Variants in TENM2 observed in about 807,000 individuals in gnomAD.
The protein encoded by TENM2 is teneurin-2.
In TENM2, 52 loss-of-function variants were observed where a neutral mutation model predicts 245.2. The ratio of observed to expected loss-of-function variants is 0.21; its 90% CI spans 0.17 to 0.27. The LOEUF is 0.27. Among genes scored for constraint, TENM2 ranks in the 10% least tolerant of loss-of-function variants. The pLI, the probability that TENM2 is intolerant of heterozygous loss-of-function variation, is 1.00. For synonymous variants in TENM2, 1,363 were observed against 1,438.9 expected, an observed-to-expected ratio of 0.95 and a Z score of 1.19; for missense variants, 3,046 against 3,666.8, an observed-to-expected ratio of 0.83 and a Z score of 4.37.
chr5:167,491,321 G>A (rs184502141), intron 2 of TENM2, among the ~76,000 whole-genome samples: 270 of 152,162 alleles, frequency 1.8e-3, no homozygotes, highest in African/African-American at 6.2e-3. Flanking sequence ...GAAATAAATA[G>A]AATAAATCTT....
intron 2 of TENM2, among the ~76,000 whole-genome samples, chr5:167,695,201 G>C (rs1405942619): frequency 1.3e-5 from 2 of 152,154 alleles, no homozygotes; most frequent in African/African-American, 4.8e-5. Context: ...ATAATGAGGG[G>C]TAGGCAAACT....
At chr5:167,709,907 A>G (rs140818383) in intron 2 of TENM2, among the ~76,000 whole-genome samples, 2 of 152,322 alleles carry the variant, frequency 1.3e-5, no homozygotes, top group African/African-American at 4.8e-5. Flanking sequence ...TTGATCAACC[A>G]TCTACATTTG....
chr5:167,683,893 C>A (rs1362077854), intron 2 of TENM2, among the ~76,000 whole-genome samples: 1 of 152,228 alleles, frequency 6.6e-6, no homozygotes, highest in African/African-American at 2.4e-5. Context: ...GTTAAAAATG[C>A]GTGTAGTACT....
the TENM2 span, among the ~76,000 whole-genome samples, chr5:167,247,050 T>C: frequency 1.8e-4 from 27 of 152,160 alleles, no homozygotes; most frequent in Non-Finnish European, 3.8e-4. Context: ...GTTATTAAAA[T>C]ATTATCAATA....
the TENM2 span, among the ~76,000 whole-genome samples, chr5:167,114,734 T>G: frequency 6.6e-6 from 1 of 152,232 alleles, no homozygotes; most frequent in African/African-American, 2.4e-5. Flanking sequence ...TAAGTCATGT[T>G]AATGGATTCC....
intron 2 of TENM2, among the ~76,000 whole-genome samples, chr5:167,481,291 A>G (rs1485264224): frequency 6.6e-6 from 1 of 152,232 alleles, no homozygotes; most frequent in Non-Finnish European, 1.5e-5. Flanking sequence ...TGTACAGTCC[A>G]TGAGCTGAAA....
At chr5:167,608,968 C>A (rs1251223470) in intron 2 of TENM2, among the ~76,000 whole-genome samples, 2 of 146,422 alleles carry the variant, frequency 1.4e-5, no homozygotes, top group Admixed American at 7.0e-5. Context: ...GAAATCCACA[C>A]CCTACACATT....
chr5:167,498,152 G>A (rs900097457), intron 2 of TENM2, among the ~76,000 whole-genome samples: 8 of 152,008 alleles, frequency 5.3e-5, no homozygotes, highest in African/African-American at 1.9e-4. Context: ...TGCTTTTAAT[G>A]TTGAAAGAAG....
intron 2 of TENM2, among the ~76,000 whole-genome samples, chr5:167,672,741 C>T (rs954882681): frequency 1.1e-4 from 16 of 151,980 alleles, no homozygotes; most frequent in Non-Finnish European, 2.2e-4. Flanking sequence ...CAGGTGTTCA[C>T]GCAGGCACCT....
chr5:167,442,296 A>C (rs1764920412), intron 2 of TENM2, among the ~76,000 whole-genome samples: 2 of 152,224 alleles, frequency 1.3e-5, no homozygotes, highest in South Asian at 4.1e-4. Flanking sequence ...TATTTTATTC[A>C]ACCAGTTACT....
intron 2 of TENM2, among the ~76,000 whole-genome samples, chr5:167,378,075 T>A (rs1760873056): frequency 6.6e-6 from 1 of 152,130 alleles, no homozygotes; most frequent in Non-Finnish European, 1.5e-5. Context: ...CTTGGTGGGA[T>A]TTTGGGATAA....
At chr5:167,995,377 G>A (rs1260639719) in intron 5 of TENM2, among the ~76,000 whole-genome samples, 3 of 152,122 alleles carry the variant, frequency 2.0e-5, no homozygotes, top group South Asian at 2.1e-4. Context: ...TCTTAGCATC[G>A]TTTATTAGTT....
chr5:168,042,443 A>C lies in TENM2; in HGVS notation c.1187-4984A>C, dbSNP rs201454913. Among the ~76,000 whole-genome samples the C allele has an allele frequency of 6.7e-4, 102 of 152,254 alleles. 1 individual carries two copies. The East Asian group carries it at 0.016, about 25-fold the overall frequency. Reference sequence around the variant, plus strand: ...TGACATATTGATTGACTCTCTTGTCAGGTTGATCCTCTGCCAGCCAATGAA... The same window carrying C: ...TGACATATTGATTGACTCTCTTGTCCGGTTGATCCTCTGCCAGCCAATGAA... On this transcript the variant is annotated intron_variant, in intron 5 of 28. Coordinates refer to ENST00000518659, the Ensembl canonical transcript of TENM2.
At chr5:167,797,244 C>T (rs1485589139) in intron 2 of TENM2, among the ~76,000 whole-genome samples, 1 of 152,122 alleles carries the variant, frequency 6.6e-6, no homozygotes, top group Non-Finnish European at 1.5e-5. Flanking sequence ...CAGTCTGACA[C>T]CTCAGTGTGT....
intron 3 of TENM2, among the ~76,000 whole-genome samples, chr5:167,906,680 G>A (rs192186065): frequency 6.6e-6 from 1 of 152,292 alleles, no homozygotes; most frequent in Admixed American, 6.5e-5. Context: ...ACTCCAGGGA[G>A]CGCCATTCAC....
At chr5:167,048,964 C>T in the TENM2 span, among the ~76,000 whole-genome samples, 1 of 151,954 alleles carries the variant, frequency 6.6e-6, no homozygotes, top group African/African-American at 2.4e-5. Flanking sequence ...GAAAGGGGTT[C>T]TCAGCAGGTA....
At chr5:168,263,813 A>G (rs997977523), downstream of TENM2, 2 of 152,664 alleles carry the variant, frequency 1.3e-5, no homozygotes, top group Non-Finnish European at 2.9e-5. Flanking sequence ...CACCCTGTAC[A>G]TACATGAGCC....
intron 12 of TENM2, among the ~76,000 whole-genome samples, chr5:168,140,236 C>T (rs891267269): frequency 6.6e-5 from 10 of 152,246 alleles, no homozygotes; most frequent in African/African-American, 2.4e-4. Context: ...GTCAACCTCA[C>T]AGCAAGCCTG....
chr5:167,349,453 C>A (rs1758682073), intron 1 of TENM2, among the ~76,000 whole-genome samples: 1 of 152,130 alleles, frequency 6.6e-6, no homozygotes, highest in African/African-American at 2.4e-5. Flanking sequence ...CCACACCATC[C>A]CTCCTAGTCT....
Sources: gnomAD v4.1 joint callset for allele counts (sites outside exome capture counted in the v4.1 genomes callset) on GRCh38, gnomAD v4.1.1 for gene constraint, MANE v1.5 for transcripts, NCBI Gene and HGNC (gene_info 2026-07-23, HGNC 2026-07-21) for gene names.